TMTC2: variants seen among roughly 807,000 people sequenced by gnomAD.
The protein encoded by TMTC2 is transmembrane O-mannosyltransferase targeting cadherins 2, also known as protein O-mannosyl-transferase TMTC2.
A neutral mutation model predicts 82.4 loss-of-function variants in TMTC2; 43 were observed. The observed-to-expected ratio is 0.52, with a 90% confidence interval of 0.41 to 0.67. The LOEUF is 0.67. TMTC2 is among the 30% of genes least tolerant of loss of function. TMTC2 has a pLI of 0.00. For synonymous variants in TMTC2, 408 were observed against 381.9 expected, an observed-to-expected ratio of 1.07 and a Z score of -0.80; for missense variants, 919 against 1,012.4, an observed-to-expected ratio of 0.91 and a Z score of 1.25.
At chr12:82,805,727 G>A (rs945850429) in intron 1 of TMTC2, among the ~76,000 whole-genome samples, 1 of 151,750 alleles carries the variant, frequency 6.6e-6, no homozygotes, top group Non-Finnish European at 1.5e-5. Context: ...GGATGGTCTC[G>A]ATCTCCTGAC....
intron 1 of TMTC2, among the ~76,000 whole-genome samples, chr12:82,828,573 T>C (rs1254956388): frequency 6.6e-6 from 1 of 152,176 alleles, no homozygotes; most frequent in Non-Finnish European, 1.5e-5. Flanking sequence ...CTTTGTAAAA[T>C]AGTCAAATAG....
intron 1 of TMTC2, among the ~76,000 whole-genome samples, chr12:82,718,300 A>G (rs1168727297): frequency 1.3e-5 from 2 of 152,250 alleles, no homozygotes; most frequent in Non-Finnish European, 2.9e-5. Context: ...ATTGCAGGGT[A>G]TTGTGGAAGT....
At chr12:82,719,178 C>G (rs1252375649) in intron 1 of TMTC2, among the ~76,000 whole-genome samples, 5 of 143,404 alleles carry the variant, frequency 3.5e-5, no homozygotes, top group Non-Finnish European at 7.5e-5. Context: ...ACTGCAACCT[C>G]TGCCTCCCAG....
intron 3 of TMTC2, among the ~76,000 whole-genome samples, chr12:82,910,961 A>G (rs1206803823): frequency 6.7e-6 from 1 of 149,238 alleles, no homozygotes; most frequent in Non-Finnish European, 1.5e-5. Flanking sequence ...GCTCACTGCA[A>G]CCTCCACCAC....
At chr12:82,899,402 C>T (rs1565799792) in intron 3 of TMTC2, among the ~76,000 whole-genome samples, 2 of 151,724 alleles carry the variant, frequency 1.3e-5, no homozygotes, top group South Asian at 2.1e-4. Flanking sequence ...TCCATTCCAT[C>T]AGCAGATCCT....
chr12:82,979,921 G>A (rs780364521), intron 7 of TMTC2, among the ~76,000 whole-genome samples: 4 of 151,672 alleles, frequency 2.6e-5, no homozygotes, highest in Non-Finnish European at 5.9e-5. Flanking sequence ...AATATGTCAT[G>A]CCCTCCCTGC....
In TMTC2 at chr12:82,857,335, G is replaced by C; in HGVS notation, c.409G>C (p.Val137Leu). The C allele has an allele frequency of 6.2e-7, 1 of 1,613,812 alleles. No individual in the cohort carries two copies. Among genetic ancestry groups the C allele is most frequent in the Non-Finnish European group, 8.5e-7 (1 of 1,179,960 alleles). The change falls in exon 2 of 12, where the codon GTG becomes CTG. Residue 137 changes from valine to leucine, a missense_variant. By Grantham distance (32) the Val-to-Leu change is conservative. Transcript: ENST00000321196. The stretch of plus-strand genomic sequence containing the variant: ...TCACACGGAGGCAGTGGCAGGAATC[G>C]TGGGACGAGCCGATGTCGGGGCCAG... ...PIHTEAVAGI[V>L]GRADVGASLF...
intron 1 of TMTC2, among the ~76,000 whole-genome samples, chr12:82,817,339 C>T (rs1236036364): frequency 6.6e-6 from 1 of 152,012 alleles, no homozygotes; most frequent in Non-Finnish European, 1.5e-5. Context: ...AACTTAGTAT[C>T]TAAGATTTTT....
chr12:82,699,499 C>T (rs117322107), intron 1 of TMTC2, among the ~76,000 whole-genome samples: 2,883 of 152,202 alleles, frequency 0.019, 48 homozygotes, highest in Non-Finnish European at 0.029. Flanking sequence ...TCTTCATTGA[C>T]GACCCTTTTT....
chr12:82,802,402 A>C (rs1014185852), intron 1 of TMTC2, among the ~76,000 whole-genome samples: 1 of 152,136 alleles, frequency 6.6e-6, no homozygotes, highest in Admixed American at 6.5e-5. Context: ...CCCACAGTGC[A>C]GTGGTGGGCT....
intron 11 of TMTC2, among the ~76,000 whole-genome samples, chr12:83,130,285 A>G (rs960434264): frequency 2.6e-5 from 4 of 152,244 alleles, no homozygotes; most frequent in Non-Finnish European, 4.4e-5. Flanking sequence ...CCGAGCTGCA[A>G]GGAACTCAGG....
chr12:83,041,538 T>C (rs2137440809), intron 9 of TMTC2, among the ~76,000 whole-genome samples: 1 of 152,114 alleles, frequency 6.6e-6, no homozygotes, highest in East Asian at 1.9e-4. Flanking sequence ...ATTAAAAATA[T>C]GAAAAAAATT....
At chr12:83,002,212 G>A (rs903405649) in intron 8 of TMTC2, among the ~76,000 whole-genome samples, 23 of 152,068 alleles carry the variant, frequency 1.5e-4, no homozygotes, top group African/African-American at 5.6e-4. Context: ...TGAAAATTGT[G>A]TGTCTCCAGG....
intron 1 of TMTC2, among the ~76,000 whole-genome samples, chr12:82,822,267 C>T (rs559613094): frequency 7.2e-5 from 11 of 152,114 alleles, no homozygotes; most frequent in Admixed American, 2.0e-4. Flanking sequence ...AGGTACAACA[C>T]GAAGAATGAA....
At position 83,010,591 on chromosome 12, in the gene TMTC2, AT is replaced by A. The variant is rs1352575227; in HGVS notation, c.2071-20206del. Among the ~76,000 whole-genome samples, 6 of 150,620 alleles carry A rather than the reference AT, an allele frequency of 4.0e-5. No homozygotes were observed. In the East Asian group the frequency reaches 5.8e-4, roughly 15 times the overall value. ...CCATCTCCTCAGCTATGGCACCCAA[AT>A]AAAGCCTTCTTCCCTGGTGATAGTC... On this transcript the variant is annotated intron_variant, in intron 8 of 11. Transcript: ENST00000321196.
chr12:82,860,364 A>G (rs997507059), intron 2 of TMTC2, among the ~76,000 whole-genome samples: 3 of 152,220 alleles, frequency 2.0e-5, no homozygotes, highest in Non-Finnish European at 4.4e-5. Context: ...TGTAGGTAAC[A>G]CAGAAAATGA....
At chr12:83,037,111 G>A (rs1260150023) in intron 9 of TMTC2, among the ~76,000 whole-genome samples, 4 of 152,216 alleles carry the variant, frequency 2.6e-5, no homozygotes, top group Admixed American at 6.5e-5. Context: ...GCTTTGGTAG[G>A]AACAGGCAAA....
intron 1 of TMTC2, among the ~76,000 whole-genome samples, chr12:82,787,358 T>A (rs544801482): frequency 7.9e-5 from 12 of 152,242 alleles, no homozygotes; most frequent in Admixed American, 2.6e-4. Flanking sequence ...AAAGGGGATA[T>A]TTAAGGAATT....
At chr12:83,035,994 A>G (rs1881647791) in intron 9 of TMTC2, among the ~76,000 whole-genome samples, 1 of 152,202 alleles carries the variant, frequency 6.6e-6, no homozygotes, top group South Asian at 2.1e-4. Context: ...AGAAGGGAGG[A>G]GATTGTAATG....
Sources: gnomAD v4.1 joint callset for allele counts (sites outside exome capture counted in the v4.1 genomes callset) on GRCh38, gnomAD v4.1.1 for gene constraint, MANE v1.5 for transcripts, NCBI Gene and HGNC (gene_info 2026-07-23, HGNC 2026-07-21) for gene names.